PDE1A: variants seen among roughly 807,000 people sequenced by gnomAD.
PDE1A encodes dual specificity calcium/calmodulin-dependent 3',5'-cyclic nucleotide phosphodiesterase 1A.
PDE1A carries 35 observed loss-of-function variants against 61.7 expected under a neutral mutation model. The observed-to-expected ratio is 0.57, with a 90% CI of 0.43 to 0.75. The LOEUF (loss-of-function observed/expected upper bound fraction) is 0.75, where lower values mean the gene tolerates loss of function less well. Ranked by LOEUF, PDE1A falls within the 30% of genes least tolerant of loss-of-function variation. The pLI is 0.00. For missense variants in PDE1A, 597 were observed against 630.6 expected, an observed-to-expected ratio of 0.95 and a Z score of 0.57; for synonymous variants, 232 against 213.2, an observed-to-expected ratio of 1.09 and a Z score of -0.77.
the PDE1A span, among the ~76,000 whole-genome samples, chr2:182,656,356 C>G: frequency 6.6e-6 from 1 of 152,208 alleles, no homozygotes; most frequent in Admixed American, 6.5e-5. Flanking sequence ...TGGTTTGACT[C>G]TATCTTACTT....
chr2:182,336,300 T>C (rs1407276689), intron 1 of PDE1A, among the ~76,000 whole-genome samples: 2 of 152,122 alleles, frequency 1.3e-5, no homozygotes, highest in Non-Finnish European at 2.9e-5. Context: ...ATCATTCTAC[T>C]ATAAAGACAC....
intron 2 of PDE1A, among the ~76,000 whole-genome samples, chr2:182,251,195 C>T (rs1255174999): frequency 6.6e-6 from 1 of 152,196 alleles, no homozygotes; most frequent in Non-Finnish European, 1.5e-5. Flanking sequence ...AGTCAAACTC[C>T]TGGCTTCATC....
intron 2 of PDE1A, chr2:182,241,665 G>A (rs1330042370): frequency 2.0e-6 from 1 of 507,236 alleles, no homozygotes; most frequent in African/African-American, 2.0e-5. Context: ...TATTTTCCAT[G>A]GTATTAAATA....
chr2:182,520,971 T>C (rs1197296716), intron 2 of PDE1A, among the ~76,000 whole-genome samples: 1 of 152,036 alleles, frequency 6.6e-6, no homozygotes, highest in Non-Finnish European at 1.5e-5. Context: ...CAATGGATCT[T>C]AGAAACAGAT....
chr2:182,551,543 G>A, the PDE1A span, among the ~76,000 whole-genome samples: 2 of 152,170 alleles, frequency 1.3e-5, no homozygotes, highest in African/African-American at 4.8e-5. Context: ...GTCCAGCTAT[G>A]AAAGAGTTGT....
At chr2:182,168,708 T>A (rs1199639042) in intron 13 of PDE1A, among the ~76,000 whole-genome samples, 2 of 152,174 alleles carry the variant, frequency 1.3e-5, no homozygotes, top group Non-Finnish European at 2.9e-5. Context: ...GGATGTAGAA[T>A]TTTATTATGT....
chr2:182,671,746 A>G, the PDE1A span, among the ~76,000 whole-genome samples: 1 of 150,852 alleles, frequency 6.6e-6, no homozygotes, highest in East Asian at 2.0e-4. Context: ...CAGCCTCCCA[A>G]GTAGCTGGTA....
At chr2:182,388,547 G>A (rs1488518732) in intron 1 of PDE1A, among the ~76,000 whole-genome samples, 1 of 151,942 alleles carries the variant, frequency 6.6e-6, no homozygotes, top group Admixed American at 6.6e-5. Flanking sequence ...TAAATACATG[G>A]AAATTAATAT....
rs183319785 is a variant in PDE1A, at chr2:182,456,852, T to A, written c.101+65424A>T. On this transcript the variant is annotated intron_variant, in intron 2 of 14. Coordinates refer to the PDE1A transcript ENST00000410103. ...ATTAGTCTCTATGCTCCAATTAATA[T>A]AAACAGGTTCTCTCCTACACAAATG... 1.1e-3 allele frequency among the ~76,000 whole-genome samples: 162 copies of A among 152,210 alleles called. 2 individuals carry two copies. The highest frequency in any genetic ancestry group is 3.8e-3 in the African/African-American group (157 of 41,578).
intron 2 of PDE1A, among the ~76,000 whole-genome samples, chr2:182,480,923 A>G (rs1044512840): frequency 6.6e-6 from 1 of 151,888 alleles, no homozygotes; most frequent in Admixed American, 6.6e-5. Flanking sequence ...GGTACTTTGT[A>G]GCCACTTGCA....
At chr2:182,246,932 A>T (rs968267846) in intron 2 of PDE1A, among the ~76,000 whole-genome samples, 2 of 152,310 alleles carry the variant, frequency 1.3e-5, no homozygotes, top group Non-Finnish European at 2.9e-5. Flanking sequence ...AATGGCTATA[A>T]AGTGTCTAGA....
chr2:182,378,356 T>G (rs1469207764), intron 1 of PDE1A, among the ~76,000 whole-genome samples: 1 of 152,196 alleles, frequency 6.6e-6, no homozygotes, highest in African/African-American at 2.4e-5. Flanking sequence ...AATATTGACC[T>G]GGCCATGAAA....
chr2:182,151,720 GTTGTTCTTT>G (rs1462200213), intron 13 of PDE1A, among the ~76,000 whole-genome samples: 2 of 152,062 alleles, frequency 1.3e-5, no homozygotes, highest in African/African-American at 4.8e-5. Context: ...AAATAAATTT[GTTGTTCTTT>G]TTGTATTTTT....
chr2:182,169,938 A>ACACACACC (rs1393866906), intron 13 of PDE1A, among the ~76,000 whole-genome samples: 1 of 92,686 alleles, frequency 1.1e-5, no homozygotes, highest in Admixed American at 1.2e-4. Context: ...ACACACACAC[A>ACACACACC]CTCTCCCTCT....
chr2:182,248,333 T>C (rs1198373806), intron 2 of PDE1A, among the ~76,000 whole-genome samples: 2 of 150,770 alleles, frequency 1.3e-5, no homozygotes, highest in Non-Finnish European at 2.9e-5. Context: ...ATGTGTAAAA[T>C]GTTACCACTG....
chr2:182,687,633 C>A, the PDE1A span, among the ~76,000 whole-genome samples: 7 of 152,176 alleles, frequency 4.6e-5, no homozygotes, highest in Non-Finnish European at 8.8e-5. Flanking sequence ...ACCTCTCCTC[C>A]TCCAAAGGAA....
chr2:182,447,506 C>T (rs1330436443), intron 2 of PDE1A, among the ~76,000 whole-genome samples: 10 of 152,054 alleles, frequency 6.6e-5, no homozygotes, highest in Non-Finnish European at 1.2e-4. Flanking sequence ...AGGCTGTAGA[C>T]CACCAACAAG....
intron 2 of PDE1A, among the ~76,000 whole-genome samples, chr2:182,467,264 T>C (rs1261987044): frequency 2.0e-5 from 3 of 151,618 alleles, no homozygotes; most frequent in Admixed American, 6.6e-5. Context: ...AATAAGGAAA[T>C]TGCAGGATAT....
intron 7 of PDE1A, among the ~76,000 whole-genome samples, chr2:182,218,788 CA>C (rs1198367348): frequency 1.3e-5 from 2 of 152,012 alleles, no homozygotes; most frequent in Admixed American, 1.3e-4. Context: ...AATGTTGAGC[CA>C]GACTTGCATA....
Sources: allele counts gnomAD v4.1 joint callset (sites outside exome capture counted in the v4.1 genomes callset), GRCh38; gene constraint gnomAD v4.1.1; transcripts MANE v1.5; gene names NCBI Gene and HGNC (gene_info 2026-07-23, HGNC 2026-07-21).